The following GLIS1 variants were observed in gnomAD, a reference collection of about 807,000 sequenced individuals.
GLIS1 encodes the protein zinc finger protein GLIS1.
A neutral mutation model predicts 63.8 loss-of-function variants in GLIS1; 24 were observed. That is an observed-to-expected ratio of 0.38 (90% CI 0.27 to 0.53). The LOEUF is 0.53. GLIS1 is among the 20% of genes least tolerant of loss of function. GLIS1 has a pLI of 0.85. For missense variants in GLIS1, 1,036 were observed against 1,074.1 expected (o/e 0.96, Z 0.50); for synonymous variants, 450 against 482.5 (o/e 0.93, Z 0.88).
At chr1:53,516,093 T>G (rs1348161298) in intron 7 of GLIS1, among the ~76,000 whole-genome samples, 2 of 152,222 alleles carry the variant, frequency 1.3e-5, no homozygotes, top group East Asian at 3.8e-4. Flanking sequence ...TGATGGACTC[T>G]GTGTGACCTG....
At chr1:53,661,164 G>T (rs1239053121) in intron 2 of GLIS1, among the ~76,000 whole-genome samples, 1 of 152,190 alleles carries the variant, frequency 6.6e-6, no homozygotes, top group African/African-American at 2.4e-5. Flanking sequence ...TTGGGAATGA[G>T]GTCCACAGGT....
Position 53,529,822 on chromosome 1 carries a change from C to T in GLIS1, c.1451G>A (p.Arg484His), listed in dbSNP as rs1003795975. The change falls in exon 5 of 11, where the codon CGC (arginine) becomes CAC (histidine). Residue 484 changes from arginine (R) to histidine (H), a missense_variant. Physicochemically the swap from Arg to His is conservative, Grantham distance 29 (BLOSUM62 0). Transcript: ENST00000628545. ...TAGGTGGGTGCGCTGGTGCTTGGCG[C>T]GGTCGCTGGAGTTGCTGAAGGCCTT... ...CQKAFSNSSD[R>H]AKHQRTHLDT... is the part of the protein sequence containing the mutation. 5.0e-6 allele frequency: 8 copies of T among 1,613,296 alleles called. No individual in the cohort carries two copies. The highest frequency in any genetic ancestry group is 1.1e-5 in the South Asian group (1 of 91,030).
intron 4 of GLIS1, among the ~76,000 whole-genome samples, chr1:53,551,739 C>T (rs1302379957): frequency 9.9e-5 from 15 of 152,126 alleles, no homozygotes; most frequent in Admixed American, 9.8e-4. Context: ...CCTCTGCCTG[C>T]CATTCAAGGC....
intron 2 of GLIS1, among the ~76,000 whole-genome samples, chr1:53,616,725 A>G (rs1226194705): frequency 6.6e-6 from 1 of 152,126 alleles, no homozygotes; most frequent in Admixed American, 6.5e-5. Context: ...GGGACAATGC[A>G]GACACCCTGG....
chr1:53,612,348 T>A (rs372044551), intron 2 of GLIS1, among the ~76,000 whole-genome samples: 1 of 152,068 alleles, frequency 6.6e-6, no homozygotes, highest in East Asian at 1.9e-4. Flanking sequence ...CACACCATCC[T>A]CCTGCCTCAG....
chr1:53,651,949 A>G (rs1645913980), intron 2 of GLIS1, among the ~76,000 whole-genome samples: 1 of 151,878 alleles, frequency 6.6e-6, no homozygotes. Context: ...TGAGGGGTGG[A>G]AGGCACTCAG....
intron 4 of GLIS1, among the ~76,000 whole-genome samples, chr1:53,570,397 C>T (rs530951492): frequency 2.0e-5 from 3 of 152,230 alleles, no homozygotes; most frequent in East Asian, 1.9e-4. Context: ...GCTGGTATTA[C>T]GAGTGTAAGC....
chr1:53,513,346 ACATC>A (rs1326553112), intron 8 of GLIS1, among the ~76,000 whole-genome samples: 7 of 151,712 alleles, frequency 4.6e-5, no homozygotes, highest in African/African-American at 1.5e-4. Flanking sequence ...AAACCTGACC[ACATC>A]ACTGCTCAAC....
intron 2 of GLIS1, among the ~76,000 whole-genome samples, chr1:53,687,665 G>A (rs559095782): frequency 5.9e-5 from 9 of 152,268 alleles, no homozygotes; most frequent in Middle Eastern, 6.8e-3. Context: ...CAGAGCCCCC[G>A]CCGCCCACCA....
intron 2 of GLIS1, among the ~76,000 whole-genome samples, chr1:53,659,832 T>C (rs1646006983): frequency 6.6e-6 from 1 of 152,202 alleles, no homozygotes; most frequent in Non-Finnish European, 1.5e-5. Context: ...TGAGGATTAA[T>C]GAGATGAAAG....
At chr1:53,684,493 G>A (rs991088649) in intron 2 of GLIS1, among the ~76,000 whole-genome samples, 1 of 152,160 alleles carries the variant, frequency 6.6e-6, no homozygotes, top group Non-Finnish European at 1.5e-5. Flanking sequence ...TTCACACTGT[G>A]AGGTGAAGCA....
intron 4 of GLIS1, among the ~76,000 whole-genome samples, chr1:53,564,497 T>A (rs1644918582): frequency 6.6e-6 from 1 of 152,188 alleles, no homozygotes; most frequent in South Asian, 2.1e-4. Context: ...TAGTAATCAC[T>A]AAAATTGAAA....
chr1:53,729,319 T>C (rs702491), intron 2 of GLIS1, among the ~76,000 whole-genome samples: 120,185 of 152,044 alleles, frequency 0.79, 47,610 homozygotes, highest in South Asian at 0.85. Context: ...AGAGCCTGCC[T>C]CAACGAGAAG....
At chr1:53,524,657 G>C (rs1451469720) in intron 6 of GLIS1, 120 bp downstream of exon 6, 2 of 710,410 alleles carry the variant, frequency 2.8e-6, no homozygotes, top group African/African-American at 3.5e-5. Flanking sequence ...ACGGATGGAC[G>C]AACAGTGGCA....
At chr1:53,597,333 A>T (rs1569891004) in intron 3 of GLIS1, among the ~76,000 whole-genome samples, 1 of 146,294 alleles carries the variant, frequency 6.8e-6, no homozygotes, top group Admixed American at 7.0e-5. Context: ...AGATGGCGCC[A>T]TTGCACTCCA....
At position 53,593,620 on chromosome 1, in the gene GLIS1, C is replaced by T. The variant is rs531881876; in HGVS notation, c.1320+488G>A. On this transcript the variant is annotated intron_variant, in intron 4 of 10. Coordinates refer to ENST00000628545, the MANE Select transcript of GLIS1 (RefSeq NM_001367484.1). Reference sequence around the variant, plus strand: ...GCTCTCGAGCCGGGTGCCTGTTAGGCCCCACTGTTCCTTGGTGGAAGCCAA... The same window carrying T: ...GCTCTCGAGCCGGGTGCCTGTTAGGTCCCACTGTTCCTTGGTGGAAGCCAA... Among the ~76,000 whole-genome samples the T allele has an allele frequency of 2.6e-4, 39 of 152,314 alleles. No individual in the cohort carries two copies. In the South Asian group the frequency reaches 2.9e-3, roughly 11 times the overall value.
At chr1:53,588,043 C>T (rs1645153421) in intron 4 of GLIS1, among the ~76,000 whole-genome samples, 1 of 152,126 alleles carries the variant, frequency 6.6e-6, no homozygotes, top group Non-Finnish European at 1.5e-5. Context: ...GATCATAATT[C>T]CAGTCTCCAT....
At chr1:53,633,815 TA>T (rs770797598) in intron 2 of GLIS1, among the ~76,000 whole-genome samples, 6 of 151,956 alleles carry the variant, frequency 3.9e-5, no homozygotes, top group Non-Finnish European at 8.8e-5. Context: ...GTGGGGGGGA[TA>T]GGGGGAGAAA....
chr1:53,694,388 A>G (rs1570061019), intron 2 of GLIS1, among the ~76,000 whole-genome samples: 1 of 151,466 alleles, frequency 6.6e-6, no homozygotes, highest in Non-Finnish European at 1.5e-5. Context: ...ATACCTCCTC[A>G]CTCCCTTTCT....
Sources: gnomAD v4.1 joint callset for allele counts (sites outside exome capture counted in the v4.1 genomes callset) on GRCh38, gnomAD v4.1.1 for gene constraint, MANE v1.5 for transcripts, NCBI Gene and HGNC (gene_info 2026-07-23, HGNC 2026-07-21) for gene names.